NRIP1: variants seen among roughly 807,000 people sequenced by gnomAD.
NRIP1 encodes nuclear receptor interacting protein 1.
NRIP1 carries 28 observed loss-of-function variants against 75.0 expected under a neutral mutation model. The observed-to-expected ratio is 0.37, with a 90% CI of 0.28 to 0.51. The LOEUF is 0.51. NRIP1 is among the 20% of genes least tolerant of loss of function. NRIP1 has a pLI of 0.92. For synonymous variants in NRIP1, 526 were observed against 487.6 expected, an observed-to-expected ratio of 1.08 and a Z score of -1.04; for missense variants, 1,435 against 1,343.7, an observed-to-expected ratio of 1.07 and a Z score of -1.06.
At chr21:15,055,695 G>T (rs947428296) in intron 1 of NRIP1, among the ~76,000 whole-genome samples, 2 of 152,100 alleles carry the variant, frequency 1.3e-5, no homozygotes, top group African/African-American at 4.8e-5. Context: ...TTCTGAGACT[G>T]CTTTGACAAA....
intron 2 of NRIP1, among the ~76,000 whole-genome samples, chr21:15,042,222 G>A (rs1600916060): frequency 6.6e-6 from 1 of 152,120 alleles, no homozygotes; most frequent in East Asian, 1.9e-4. Context: ...AAAGAAGGTG[G>A]CCAATTCACT....
intron 2 of NRIP1, among the ~76,000 whole-genome samples, chr21:15,035,880 T>G (rs2088822246): frequency 6.6e-6 from 1 of 152,154 alleles, no homozygotes; most frequent in Non-Finnish European, 1.5e-5. Flanking sequence ...AATGATGCTA[T>G]TCATCCTTAA....
At chr21:14,978,324 T>C (rs867304703) in intron 3 of NRIP1, among the ~76,000 whole-genome samples, 20 of 152,154 alleles carry the variant, frequency 1.3e-4, no homozygotes, top group African/African-American at 4.3e-4. Context: ...TGTCATAAAG[T>C]TGTGGAAATA....
rs566893210 is a variant in NRIP1 at position 15,012,661 on chromosome 21, C to T, written c.-335+1683G>A. 3.0e-4 allele frequency among the ~76,000 whole-genome samples: 46 copies of T among 152,144 alleles called. 1 individual carries two copies. The highest frequency in any genetic ancestry group is 9.6e-4 in the African/African-American group (40 of 41,524). On this transcript the variant is annotated intron_variant, in intron 3 of 3. Transcript: ENST00000318948. ...AGAGACAGGGTTTCACCATACTGGTCAGGCTGGTCTTGAACTCCTGACCTC... is the reference window on the plus strand; with the variant it reads ...AGAGACAGGGTTTCACCATACTGGTTAGGCTGGTCTTGAACTCCTGACCTC...
intron 1 of NRIP1, chr21:15,052,419 T>G (rs2089219822): frequency 6.6e-6 from 1 of 152,178 alleles, no homozygotes; most frequent in Admixed American, 6.6e-5. Flanking sequence ...AATGATTCCT[T>G]TCCCCTCCCA....
At chr21:15,006,818 T>G (rs961528437) in intron 3 of NRIP1, among the ~76,000 whole-genome samples, 2 of 152,162 alleles carry the variant, frequency 1.3e-5, no homozygotes, top group Admixed American at 6.5e-5. Flanking sequence ...TTTTCTTCCT[T>G]AGTCTCTGTG....
chr21:15,009,089 G>A (rs926520056), intron 3 of NRIP1, among the ~76,000 whole-genome samples: 1 of 152,168 alleles, frequency 6.6e-6, no homozygotes, highest in African/African-American at 2.4e-5. Context: ...AAAGTACAAT[G>A]TTGGTTTTCT....
intron 2 of NRIP1, among the ~76,000 whole-genome samples, chr21:15,034,049 T>C (rs1410921963): frequency 6.6e-6 from 1 of 152,264 alleles, no homozygotes; most frequent in Non-Finnish European, 1.5e-5. Context: ...ATCTAGATTC[T>C]GGCAATTTCT....
chr21:14,985,962 T>C (rs530189797), intron 3 of NRIP1, among the ~76,000 whole-genome samples: 2 of 152,210 alleles, frequency 1.3e-5, no homozygotes, highest in Non-Finnish European at 2.9e-5. Context: ...TAAGTTACAA[T>C]GAAATAGGCA....
At chr21:14,971,713 A>AG (rs1331033831) in intron 3 of NRIP1, 2 of 144,150 alleles carry the variant, frequency 1.4e-5, no homozygotes, top group Non-Finnish European at 3.1e-5. Flanking sequence ...AATCTTCCAA[A>AG]GATTGTTTTA....
At position 14,966,293 on chromosome 21, in the gene NRIP1, A is replaced by C. The variant is rs747701046; in HGVS notation, c.1900T>G (p.Leu634Val). The stretch of plus-strand genomic sequence containing the variant: ...GATGACTGCATTCCACATTGTGCTA[A>C]ATTTTGTAACAGCTTACTGGCACTA... ...TFSASKLLQN[L>V]AQCGMQSSMS... Residue 634 changes from leucine to valine, a missense_variant, in exon 4 of 4, where the codon TTA becomes GTA. Coordinates refer to ENST00000318948, the MANE Select transcript of NRIP1 (RefSeq NM_003489.4). 19 of 1,613,946 alleles carry C rather than the reference A, an allele frequency of 1.2e-5. No homozygotes were observed. The highest frequency in any genetic ancestry group is 2.7e-5 in the African/African-American group (2 of 74,900).
At chr21:15,030,944 C>CTGGAAGGCACTCA (rs2088651734) in intron 2 of NRIP1, among the ~76,000 whole-genome samples, 1 of 127,450 alleles carries the variant, frequency 7.8e-6, no homozygotes, top group African/African-American at 2.8e-5. Flanking sequence ...GGAAGGCACT[C>CTGGAAGGCACTCA]AGAGGATCAC....
At chr21:14,986,736 T>G (rs1156854334) in intron 3 of NRIP1, among the ~76,000 whole-genome samples, 5 of 152,352 alleles carry the variant, frequency 3.3e-5, no homozygotes, top group African/African-American at 1.2e-4. Context: ...CGGAGATTTT[T>G]GGCATATATT....
intron 3 of NRIP1, among the ~76,000 whole-genome samples, chr21:14,970,240 T>C (rs1671206413): frequency 6.6e-6 from 1 of 152,172 alleles, no homozygotes; most frequent in African/African-American, 2.4e-5. Flanking sequence ...CCCAGTTTTC[T>C]AATTCTCTCA....
chr21:14,971,414 A>C (rs546644956), intron 3 of NRIP1: 1 of 152,342 alleles, frequency 6.6e-6, no homozygotes, highest in South Asian at 2.1e-4. Context: ...CACGAGGAGA[A>C]GGTCATTCTA....
At chr21:15,018,404 AAAGC>A (rs923172233) in intron 2 of NRIP1, among the ~76,000 whole-genome samples, 3 of 152,322 alleles carry the variant, frequency 2.0e-5, no homozygotes, top group African/African-American at 7.2e-5. Context: ...GATTTCAAAC[AAAGC>A]AAGAGGTAGA....
intron 3 of NRIP1, among the ~76,000 whole-genome samples, chr21:14,996,532 A>T (rs1404983484): frequency 6.6e-6 from 1 of 152,088 alleles, no homozygotes; most frequent in Admixed American, 6.6e-5. Flanking sequence ...TCCCCATTTT[A>T]TTCCCTAGCA....
rs180965942 is a variant in NRIP1, at chr21:15,012,600, G to A, written c.-335+1744C>T. ...CCCAAATAACTGGGACTACAGGCACGCGCTACCACACCTGGCTAATATTTG... is the reference window on the plus strand; with the variant it reads ...CCCAAATAACTGGGACTACAGGCACACGCTACCACACCTGGCTAATATTTG... On this transcript the variant is annotated intron_variant, in intron 3 of 3. Coordinates refer to ENST00000318948, the MANE Select transcript of NRIP1 (RefSeq NM_003489.4). 3.6e-3 allele frequency among the ~76,000 whole-genome samples: 545 copies of A among 151,728 alleles called. 1 individual carries two copies. The highest frequency in any genetic ancestry group is 5.6e-3 in the Non-Finnish European group (382 of 67,894).
At chr21:14,985,471 G>A (rs1429484596) in intron 3 of NRIP1, among the ~76,000 whole-genome samples, 1 of 152,118 alleles carries the variant, frequency 6.6e-6, no homozygotes, top group Admixed American at 6.5e-5. Flanking sequence ...CAAGATTTAA[G>A]CCAGCTATCT....
Sources: allele counts gnomAD v4.1 joint callset (sites outside exome capture counted in the v4.1 genomes callset), GRCh38; gene constraint gnomAD v4.1.1; transcripts MANE v1.5; gene names NCBI Gene and HGNC (gene_info 2026-07-23, HGNC 2026-07-21).